The following DLG2 variants were observed in gnomAD, a reference collection of about 807,000 sequenced individuals.
DLG2 encodes discs large MAGUK scaffold protein 2.
Under a neutral mutation model 132.5 loss-of-function variants are expected in DLG2, and 45 were observed. The observed-to-expected ratio is 0.34, with a 90% CI of 0.27 to 0.44. DLG2 has a LOEUF of 0.44. DLG2 is among the 20% of genes least tolerant of loss of function. DLG2 has a pLI of 1.00. For synonymous variants in DLG2, 424 were observed against 419.6 expected, an observed-to-expected ratio of 1.01 and a Z score of -0.13; for missense variants, 1,045 against 1,196.9, an observed-to-expected ratio of 0.87 and a Z score of 1.87.
At chr11:83,792,518 GTA>G (rs1190453374) in intron 17 of DLG2, among the ~76,000 whole-genome samples, 1 of 151,994 alleles carries the variant, frequency 6.6e-6, no homozygotes, top group Admixed American at 6.5e-5. Flanking sequence ...ATGGTTTCTT[GTA>G]TATACTACTA....
intron 7 of DLG2, 138 bp downstream of exon 7, chr11:84,534,432 A>G: frequency 1.2e-6 from 1 of 802,958 alleles, no homozygotes; most frequent in South Asian, 1.8e-5. Context: ...CCAATGCACA[A>G]GAAAGACCCT....
chr11:85,424,857 T>C (rs146802740), intron 3 of DLG2, among the ~76,000 whole-genome samples: 107 of 152,226 alleles, frequency 7.0e-4, no homozygotes, highest in African/African-American at 2.4e-3. Context: ...AAACACTGGA[T>C]CTCCCAGCAC....
At chr11:85,061,118 C>T (rs892142263) in intron 6 of DLG2, among the ~76,000 whole-genome samples, 10 of 151,176 alleles carry the variant, frequency 6.6e-5, no homozygotes, top group African/African-American at 2.4e-4. Flanking sequence ...TTATATATTC[C>T]GAATATTAAC....
intron 3 of DLG2, among the ~76,000 whole-genome samples, chr11:85,559,043 A>G (rs2077079329): frequency 6.6e-6 from 1 of 151,880 alleles, no homozygotes. Flanking sequence ...CCTGAAATTC[A>G]ATTTAGAAAT....
intron 17 of DLG2, among the ~76,000 whole-genome samples, chr11:83,818,946 C>T (rs1333809856): frequency 6.6e-6 from 1 of 152,164 alleles, no homozygotes; most frequent in Non-Finnish European, 1.5e-5. Flanking sequence ...CATGTTTATG[C>T]AAATCCACTG....
intron 9 of DLG2, among the ~76,000 whole-genome samples, chr11:84,162,215 A>G (rs1050752896): frequency 1.3e-5 from 2 of 152,098 alleles, no homozygotes; most frequent in Non-Finnish European, 2.9e-5. Flanking sequence ...TATAAGCAAG[A>G]AGGATAAACT....
intron 3 of DLG2, among the ~76,000 whole-genome samples, chr11:85,349,861 G>A (rs1488582937): frequency 6.6e-6 from 1 of 151,952 alleles, no homozygotes; most frequent in African/African-American, 2.4e-5. Context: ...GAATAGTGCT[G>A]CAGTAAACAT....
At chr11:85,456,532 G>A (rs1308689471) in intron 3 of DLG2, among the ~76,000 whole-genome samples, 2 of 152,106 alleles carry the variant, frequency 1.3e-5, no homozygotes, top group East Asian at 3.9e-4. Context: ...TTGCTCTTGT[G>A]TCTCTAGTTT....
In DLG2 at chr11:83,709,286, T is replaced by C. The variant is rs184151573; in HGVS notation, c.1826-75961A>G. On this transcript the variant is annotated intron_variant, in intron 18 of 27. Transcript: ENST00000376104. ...ATATATGTATGTATATATACATATA[T>C]GTACATATATACATATACGTATATA... 2.9e-3 allele frequency among the ~76,000 whole-genome samples: 424 copies of C among 148,758 alleles called. 1 individual carries two copies. Among genetic ancestry groups the C allele is most frequent in the South Asian group, 6.1e-3 (29 of 4,764 alleles).
intron 6 of DLG2, among the ~76,000 whole-genome samples, chr11:84,928,956 A>ATGTGTGTGTGTG (rs1491109152): frequency 2.2e-5 from 1 of 45,074 alleles, no homozygotes; most frequent in African/African-American, 8.3e-5. Flanking sequence ...ATACTCTCTG[A>ATGTGTGTGTGTG]TATGTGTGTG....
intron 6 of DLG2, among the ~76,000 whole-genome samples, chr11:84,737,693 C>T (rs2064037507): frequency 6.6e-6 from 1 of 151,876 alleles, no homozygotes; most frequent in Admixed American, 6.6e-5. Flanking sequence ...TGAAGAGGTG[C>T]TCTCAGTAGT....
chr11:83,466,894 G>A, intron 25 of DLG2, 77 bp from the exon 26 acceptor site: 1 of 978,114 alleles, frequency 1.0e-6, no homozygotes, highest in Non-Finnish European at 1.6e-6. Flanking sequence ...ACTAATGTAT[G>A]TAGGTTTTAG....
At chr11:83,759,148 G>A (rs1263183421) in intron 18 of DLG2, among the ~76,000 whole-genome samples, 1 of 152,178 alleles carries the variant, frequency 6.6e-6, no homozygotes, top group African/African-American at 2.4e-5. Flanking sequence ...AATGTAAAAA[G>A]TCATAAGTGT....
At chr11:84,808,227 A>G (rs1341927780) in intron 6 of DLG2, among the ~76,000 whole-genome samples, 1 of 152,232 alleles carries the variant, frequency 6.6e-6, no homozygotes, top group South Asian at 2.1e-4. Flanking sequence ...ATACTACTAA[A>G]TAATACATGT....
chr11:84,021,851 G>A (rs1043902061), intron 11 of DLG2, among the ~76,000 whole-genome samples: 9 of 151,868 alleles, frequency 5.9e-5, no homozygotes, highest in Middle Eastern at 3.4e-3. Flanking sequence ...GGGTTCAAGC[G>A]ATTCTCCTGC....
At chr11:84,137,810 C>A (rs1180052463) in intron 9 of DLG2, among the ~76,000 whole-genome samples, 1 of 151,930 alleles carries the variant, frequency 6.6e-6, no homozygotes, top group Non-Finnish European at 1.5e-5. Context: ...ATTCAATAAC[C>A]TTGAGATTTA....
intron 7 of DLG2, among the ~76,000 whole-genome samples, chr11:84,454,949 C>T (rs1008494523): frequency 2.6e-5 from 4 of 151,206 alleles, no homozygotes; most frequent in African/African-American, 7.3e-5. Context: ...CAAGATCTAT[C>T]AGATTGCACT....
At chr11:83,573,421 A>C (rs967533872) in intron 19 of DLG2, among the ~76,000 whole-genome samples, 4 of 152,114 alleles carry the variant, frequency 2.6e-5, no homozygotes, top group Non-Finnish European at 5.9e-5. Context: ...GCATAAATAC[A>C]ATTCAGAGAC....
chr11:84,642,070 G>A (rs1341969032), intron 6 of DLG2, among the ~76,000 whole-genome samples: 2 of 143,628 alleles, frequency 1.4e-5, no homozygotes, highest in African/African-American at 5.5e-5. Flanking sequence ...GCACGCGTGT[G>A]TGTGTGTGTG....
Sources: gnomAD v4.1 joint callset for allele counts (sites outside exome capture counted in the v4.1 genomes callset) on GRCh38, gnomAD v4.1.1 for gene constraint, MANE v1.5 for transcripts, NCBI Gene and HGNC (gene_info 2026-07-23, HGNC 2026-07-21) for gene names.